SHOC2: variants seen among roughly 807,000 people sequenced by gnomAD.
SHOC2 encodes the protein leucine-rich repeat protein SHOC-2.
SHOC2 carries 4 observed loss-of-function variants against 50.2 expected under a neutral mutation model. The ratio of observed to expected loss-of-function variants is 0.08; its 90% CI spans 0.04 to 0.18. SHOC2 has a LOEUF of 0.18. Among genes scored for constraint, SHOC2 ranks in the 10% least tolerant of loss-of-function variants. The pLI is 1.00. For synonymous variants in SHOC2, 218 were observed against 244.5 expected, an observed-to-expected ratio of 0.89 and a Z score of 1.01; for missense variants, 388 against 669.6, an observed-to-expected ratio of 0.58 and a Z score of 4.64.
chr10:110,947,345 G>A (rs7095404), intron 1 of SHOC2, among the ~76,000 whole-genome samples: 114,245 of 152,180 alleles, frequency 0.75, 43,207 homozygotes, highest in Admixed American at 0.84. Flanking sequence ...AAGCCTGCTC[G>A]TGGACTATGC....
At chr10:110,928,010 T>C (rs1029768326) in intron 1 of SHOC2, among the ~76,000 whole-genome samples, 4 of 152,118 alleles carry the variant, frequency 2.6e-5, no homozygotes, top group Admixed American at 6.5e-5. Flanking sequence ...TTAGTGAAAA[T>C]AGTTTTTATT....
chr10:110,992,149 A>G lies in SHOC2; in HGVS notation c.841+6384A>G, dbSNP rs564127868. Among the ~76,000 whole-genome samples, 15 of 152,220 alleles carry G rather than the reference A, an allele frequency of 9.9e-5. No homozygotes were observed. The South Asian group carries it at 2.7e-3, about 27-fold the overall frequency. On this transcript the variant is annotated intron_variant, in intron 3 of 8. Coordinates refer to ENST00000369452, the MANE Select transcript of SHOC2 (RefSeq NM_007373.4). ...TAACATGAACATTCCTGGAGTAACT[A>G]TCACTCCCCTGTGATAATTACTGCC...
chr10:110,983,376 CT>C (rs1163110304), intron 2 of SHOC2, among the ~76,000 whole-genome samples: 1 of 151,362 alleles, frequency 6.6e-6, no homozygotes, highest in African/African-American at 2.4e-5. Context: ...TTATTTTTAT[CT>C]TTTTCTGTTT....
chr10:110,965,170 C>G, intron 2 of SHOC2, 109 bp downstream of exon 2: 2 of 915,562 alleles, frequency 2.2e-6, no homozygotes, highest in Non-Finnish European at 1.7e-6. Flanking sequence ...CAGCTTATTT[C>G]TAAATTACAA....
chr10:110,982,399 T>C (rs1847998374), intron 2 of SHOC2, among the ~76,000 whole-genome samples: 1 of 151,666 alleles, frequency 6.6e-6, no homozygotes, highest in African/African-American at 2.4e-5. Flanking sequence ...TCAAATGGTA[T>C]TTCCAGTTCT....
At chr10:110,949,756 A>G (rs914334322) in intron 1 of SHOC2, among the ~76,000 whole-genome samples, 1 of 152,244 alleles carries the variant, frequency 6.6e-6, no homozygotes, top group African/African-American at 2.4e-5. Flanking sequence ...GATTTATCCC[A>G]GGGATGCAAG....
chr10:110,973,167 A>G (rs1468400239), intron 2 of SHOC2, among the ~76,000 whole-genome samples: 1 of 152,086 alleles, frequency 6.6e-6, no homozygotes, highest in Non-Finnish European at 1.5e-5. Context: ...AGTGTTTCCA[A>G]CTCTTTTTAA....
chr10:110,973,686 G>T (rs1156730532), intron 2 of SHOC2, among the ~76,000 whole-genome samples: 1 of 151,840 alleles, frequency 6.6e-6, no homozygotes, highest in Non-Finnish European at 1.5e-5. Flanking sequence ...TTTTTTGTGT[G>T]TATGGACAAG....
chr10:110,958,220 C>CTTTT (rs34136641), intron 1 of SHOC2, among the ~76,000 whole-genome samples: 19 of 145,528 alleles, frequency 1.3e-4, no homozygotes, highest in Non-Finnish European at 2.3e-4. Context: ...TTCTTTCTTT[C>CTTTT]TTTTTTTTTT....
intron 3 of SHOC2, among the ~76,000 whole-genome samples, chr10:110,999,245 A>C (rs1168603291): frequency 6.6e-6 from 1 of 152,208 alleles, no homozygotes; most frequent in Non-Finnish European, 1.5e-5. Flanking sequence ...TCAAAAAAGA[A>C]ATTAATCAGC....
chr10:110,986,174 TA>T (rs1289745519), intron 3 of SHOC2, among the ~76,000 whole-genome samples: 1 of 152,194 alleles, frequency 6.6e-6, no homozygotes, highest in Admixed American at 6.5e-5. Context: ...CAATATACTT[TA>T]AAGTTTGTTT....
intron 2 of SHOC2, among the ~76,000 whole-genome samples, chr10:110,983,975 G>T (rs905662489): frequency 6.6e-6 from 1 of 152,140 alleles, no homozygotes; most frequent in Non-Finnish European, 1.5e-5. Context: ...GAACATTGGT[G>T]TACAATTACC....
At chr10:110,927,274 A>G (rs929827463) in intron 1 of SHOC2, among the ~76,000 whole-genome samples, 3 of 152,192 alleles carry the variant, frequency 2.0e-5, no homozygotes, top group Admixed American at 2.0e-4. Context: ...ATAGAATTCA[A>G]AATTTCACCA....
chr10:110,952,915 A>G (rs1847383808), intron 1 of SHOC2, among the ~76,000 whole-genome samples: 1 of 152,188 alleles, frequency 6.6e-6, no homozygotes, highest in African/African-American at 2.4e-5. Context: ...GTGACTGCAT[A>G]GTATTCCATG....
At chr10:110,924,384 G>C (rs2134067845) in intron 1 of SHOC2, among the ~76,000 whole-genome samples, 1 of 152,290 alleles carries the variant, frequency 6.6e-6, no homozygotes, top group East Asian at 1.9e-4. Context: ...GCCTACTGGA[G>C]GACAGGACTG....
chr10:110,999,755 A>AAG (rs1848334701), intron 3 of SHOC2, among the ~76,000 whole-genome samples: 1 of 150,116 alleles, frequency 6.7e-6, no homozygotes, highest in Non-Finnish European at 1.5e-5. Flanking sequence ...AAAAAAAAAA[A>AAG]AAAAGAAAGA....
chr10:111,001,553 G>A (rs1848376344), intron 4 of SHOC2, among the ~76,000 whole-genome samples: 1 of 152,172 alleles, frequency 6.6e-6, no homozygotes. Context: ...GACAATGGAT[G>A]TTTGCTTATA....
intron 1 of SHOC2, among the ~76,000 whole-genome samples, chr10:110,963,316 C>G (rs1467802524): frequency 6.6e-6 from 1 of 152,080 alleles, no homozygotes; most frequent in Non-Finnish European, 1.5e-5. Flanking sequence ...AACCCTGTGC[C>G]ATTGATCTTT....
chr10:110,969,740 A>G (rs1847743486), intron 2 of SHOC2, among the ~76,000 whole-genome samples: 1 of 152,192 alleles, frequency 6.6e-6, no homozygotes. Context: ...AAAATGCTAC[A>G]TATTTATGTA....
Sources: gnomAD v4.1 joint callset for allele counts (sites outside exome capture counted in the v4.1 genomes callset) on GRCh38, gnomAD v4.1.1 for gene constraint, MANE v1.5 for transcripts, NCBI Gene and HGNC (gene_info 2026-07-23, HGNC 2026-07-21) for gene names.